The following CMYA5 variants were observed in gnomAD, a reference collection of about 807,000 sequenced individuals.
The protein encoded by CMYA5 is cardiomyopathy-associated protein 5.
A neutral mutation model predicts 318.9 loss-of-function variants in CMYA5; 246 were observed. The ratio of observed to expected loss-of-function variants is 0.77; its 90% CI spans 0.70 to 0.86. CMYA5 has a LOEUF of 0.86. Ranked by LOEUF, CMYA5 falls within the 40% of genes least tolerant of loss-of-function variation. The probability of loss-of-function intolerance (pLI) is 0.00; values close to 1 mark genes in which losing one functional copy is unlikely to be tolerated. For missense variants in CMYA5, 4,589 were observed against 4,678.2 expected, an observed-to-expected ratio of 0.98 and a Z score of 0.56; for synonymous variants, 1,641 against 1,729.5, an observed-to-expected ratio of 0.95 and a Z score of 1.27.
chr5:79,713,406 A>G (rs1580753568), intron 1 of CMYA5, among the ~76,000 whole-genome samples: 1 of 151,138 alleles, frequency 6.6e-6, no homozygotes, highest in Non-Finnish European at 1.5e-5. Context: ...TGAGTTTCCT[A>G]TGTTTTGGTC....
chr5:79,721,627 T>G (rs1204275785), intron 1 of CMYA5, among the ~76,000 whole-genome samples: 2 of 152,148 alleles, frequency 1.3e-5, no homozygotes, highest in South Asian at 2.1e-4. Context: ...TATGGATGGA[T>G]AATGCAAACA....
At chr5:79,707,303 T>C (rs1457625395) in intron 1 of CMYA5, among the ~76,000 whole-genome samples, 1 of 152,174 alleles carries the variant, frequency 6.6e-6, no homozygotes, top group Non-Finnish European at 1.5e-5. Context: ...CTAGAAAGGA[T>C]TTCATTTTAC....
At chr5:79,796,854 C>T (rs1333393479) in intron 12 of CMYA5, among the ~76,000 whole-genome samples, 1 of 88,592 alleles carries the variant, frequency 1.1e-5, no homozygotes, top group Non-Finnish European at 2.4e-5. Context: ...AACATGTCAA[C>T]GTTACGGATC....
At chr5:79,770,055 G>A (rs370193576) in intron 9 of CMYA5, among the ~76,000 whole-genome samples, 2 of 152,184 alleles carry the variant, frequency 1.3e-5, no homozygotes, top group African/African-American at 2.4e-5. Context: ...GCTGAGCTGC[G>A]GTGGGTTCCA....
chr5:79,768,025 G>C (rs1828785665), intron 9 of CMYA5, among the ~76,000 whole-genome samples: 1 of 152,114 alleles, frequency 6.6e-6, no homozygotes, highest in Non-Finnish European at 1.5e-5. Flanking sequence ...AGCTCTTCTT[G>C]TTATGTTGAT....
intron 12 of CMYA5, among the ~76,000 whole-genome samples, chr5:79,797,248 A>T (rs1580812706): frequency 6.6e-6 from 1 of 152,098 alleles, no homozygotes; most frequent in Non-Finnish European, 1.5e-5. Flanking sequence ...ACCCTCTAGA[A>T]CTCCTTCACC....
intron 5 of CMYA5, among the ~76,000 whole-genome samples, chr5:79,750,745 T>C (rs1828413925): frequency 1.3e-5 from 2 of 152,184 alleles, no homozygotes; most frequent in South Asian, 2.1e-4. Context: ...GTTTTGCTCT[T>C]TTGTGTTATA....
At position 79,743,858 on chromosome 5, in the gene CMYA5, A is replaced by G. The variant is rs938051223; in HGVS notation, c.10670A>G (p.Gln3557Arg). The change falls in exon 3 of 13, where the codon CAA becomes CGA. Residue 3557 changes from glutamine to arginine, a missense_variant. Transcript: ENST00000446378. ...TTAGCAGAATTTCTAGAAAATTTAC[A>G]AGAAAAGTCCTTGAGGATTGAAGCC... ...VQLAEFLENL[Q>R]EKSLRIEAFV... 3.2e-6 allele frequency: 5 copies of G among 1,547,600 alleles called. No homozygotes were observed. The highest frequency in any genetic ancestry group is 1.4e-5 in the African/African-American group (1 of 73,046).
intron 9 of CMYA5, among the ~76,000 whole-genome samples, chr5:79,770,518 A>G (rs1828835493): frequency 6.6e-6 from 1 of 152,142 alleles, no homozygotes; most frequent in African/African-American, 2.4e-5. Context: ...ACTGTTCTTC[A>G]TGGCTTCCCT....
intron 10 of CMYA5, among the ~76,000 whole-genome samples, 182 bp from the exon 11 acceptor site, chr5:79,790,788 C>T (rs1829163217): frequency 6.6e-6 from 1 of 152,180 alleles, no homozygotes; most frequent in Non-Finnish European, 1.5e-5. Flanking sequence ...TAGAGGTAAC[C>T]AGCCACCGGC....
chr5:79,770,755 G>A (rs1226467863), intron 9 of CMYA5, among the ~76,000 whole-genome samples: 1 of 152,138 alleles, frequency 6.6e-6, no homozygotes, highest in African/African-American at 2.4e-5. Context: ...TTTAAATAAA[G>A]TGTGTTATTT....
chr5:79,727,713 A>G (rs1827776365), intron 1 of CMYA5, among the ~76,000 whole-genome samples: 1 of 152,206 alleles, frequency 6.6e-6, no homozygotes, highest in African/African-American at 2.4e-5. Flanking sequence ...GAAGTGGAGT[A>G]TTGTCGGGGC....
At chr5:79,750,679 A>G (rs1480150846) in intron 5 of CMYA5, among the ~76,000 whole-genome samples, 1 of 152,246 alleles carries the variant, frequency 6.6e-6, no homozygotes, top group Non-Finnish European at 1.5e-5. Context: ...ACATATCTTG[A>G]AAAACACATT....
At chr5:79,707,362 A>G (rs1347124227) in intron 1 of CMYA5, among the ~76,000 whole-genome samples, 1 of 152,230 alleles carries the variant, frequency 6.6e-6, no homozygotes, top group Non-Finnish European at 1.5e-5. Context: ...TGAACACATA[A>G]TACACACTCA....
intron 1 of CMYA5, among the ~76,000 whole-genome samples, chr5:79,727,542 A>G (rs1827773841): frequency 3.3e-5 from 5 of 152,176 alleles, no homozygotes; most frequent in Admixed American, 3.3e-4. Flanking sequence ...ATTGTTGTAG[A>G]CAGATGTAAG....
chr5:79,696,984 G>A (rs1244875763), intron 1 of CMYA5, among the ~76,000 whole-genome samples: 2 of 151,312 alleles, frequency 1.3e-5, no homozygotes, highest in Admixed American at 1.3e-4. Context: ...TCCAGCCTGG[G>A]CAAAAAGGGC....
rs1419674312 is a variant in CMYA5 at position 79,745,533 on chromosome 5, A to C, written c.10968+78A>C. 4 of 867,850 alleles carry C rather than the reference A, an allele frequency of 4.6e-6. No individual in the cohort carries two copies. In the African/African-American group the frequency reaches 6.8e-5, roughly 15 times the overall value. The allele number at this position is 867,850 out of a possible 1,614,324, so 53.8% of individuals were successfully genotyped here. A position where few individuals can be genotyped will look rare whatever the true frequency, so the allele number is the denominator to read the frequency against. On this transcript the variant is annotated intron_variant, in intron 4 of 12. Transcript: ENST00000446378. Reference sequence around the variant, plus strand: ...TACTTTTAAAGCTTCATTTTTCACTATTCCTTAAGATTATTTATATCTCTG... The same window carrying C: ...TACTTTTAAAGCTTCATTTTTCACTCTTCCTTAAGATTATTTATATCTCTG...
At chr5:79,791,588 G>A (rs1829180795) in intron 11 of CMYA5, among the ~76,000 whole-genome samples, 1 of 151,920 alleles carries the variant, frequency 6.6e-6, no homozygotes, top group South Asian at 2.1e-4. Context: ...AGGTGTGGTG[G>A]TGCACGCCTG....
At chr5:79,707,885 C>CT (rs1159822280) in intron 1 of CMYA5, among the ~76,000 whole-genome samples, 1 of 152,180 alleles carries the variant, frequency 6.6e-6, no homozygotes, top group Non-Finnish European at 1.5e-5. Flanking sequence ...GCTGGGAAGT[C>CT]TGAGATCAAG....
Sources: allele counts gnomAD v4.1 joint callset (sites outside exome capture counted in the v4.1 genomes callset), GRCh38; gene constraint gnomAD v4.1.1; transcripts MANE v1.5; gene names NCBI Gene and HGNC (gene_info 2026-07-23, HGNC 2026-07-21).